The following PRUNE1 variants were observed in gnomAD, a reference collection of about 807,000 sequenced individuals.
PRUNE1 encodes prune exopolyphosphatase 1, also known as exopolyphosphatase PRUNE1.
In PRUNE1, 25 loss-of-function variants were observed where a neutral mutation model predicts 42.5. That is an observed-to-expected ratio of 0.59 (90% CI 0.43 to 0.82). The LOEUF (loss-of-function observed/expected upper bound fraction) is 0.82, where lower values mean the gene tolerates loss of function less well. Among genes scored for constraint, PRUNE1 ranks in the 40% least tolerant of loss-of-function variants. The pLI is 0.00. For synonymous variants in PRUNE1, 203 were observed against 217.1 expected, an observed-to-expected ratio of 0.93 and a Z score of 0.57; for missense variants, 443 against 539.3, an observed-to-expected ratio of 0.82 and a Z score of 1.77.
chr1:151,017,368 A>G (rs1448357205), intron 1 of PRUNE1, among the ~76,000 whole-genome samples: 1 of 152,192 alleles, frequency 6.6e-6, no homozygotes, highest in African/African-American at 2.4e-5. Flanking sequence ...CACTTATGCC[A>G]TCTATGGAAT....
At position 151,018,491 on chromosome 1, in the gene PRUNE1, G is replaced by A; in HGVS notation, c.157G>A (p.Val53Met). The change falls in exon 3 of 8, where the codon GTG becomes ATG. Residue 53 changes from valine (V) to methionine (M), a missense_variant. Transcript: ENST00000271620. ...GACAACTGAGGCTGAGGAAGTCTTT[G>A]TGCCAGTTTTAAATATAAAACGTTC... is the stretch of plus-strand genomic sequence containing the variant. ...AKTTEAEEVF[V>M]PVLNIKRSEL... 1 of 1,613,022 alleles carries A rather than the reference G, an allele frequency of 6.2e-7. No homozygotes were observed. Among genetic ancestry groups the A allele is most frequent in the Non-Finnish European group, 8.5e-7 (1 of 1,179,172 alleles).
chr1:151,031,349 A>C (rs1675238158), intron 7 of PRUNE1, among the ~76,000 whole-genome samples: 1 of 151,290 alleles, frequency 6.6e-6, no homozygotes, highest in South Asian at 2.1e-4. Flanking sequence ...ATGGCTAGCT[A>C]ATTTTTTTTG....
chr1:151,025,166 A>AAG (rs1045260802), intron 4 of PRUNE1, among the ~76,000 whole-genome samples: 3 of 151,274 alleles, frequency 2.0e-5, no homozygotes, highest in Non-Finnish European at 3.0e-5. Context: ...TGTAAAAAAA[A>AAG]AGAGAGAGAG....
At chr1:151,024,479 G>C (rs993828724) in intron 3 of PRUNE1, 132 bp from the exon 4 acceptor site, 9 of 852,428 alleles carry the variant, frequency 1.1e-5, no homozygotes, top group Non-Finnish European at 3.7e-6. Flanking sequence ...TGGGCGACAA[G>C]AGTGAAACTC....
intron 3 of PRUNE1, among the ~76,000 whole-genome samples, chr1:151,019,908 A>G (rs1419145503): frequency 2.0e-5 from 3 of 150,332 alleles, no homozygotes; most frequent in Admixed American, 2.0e-4. Flanking sequence ...GCTCACTGCA[A>G]CAACCTCTGC....
At position 151,034,088 on chromosome 1, in the gene PRUNE1, C is replaced by T; in HGVS notation, c.1216C>T (p.Pro406Ser). 1.9e-6 allele frequency: 3 copies of T among 1,614,184 alleles called. No individual in the cohort carries two copies. Among genetic ancestry groups the T allele is most frequent in the Non-Finnish European group, 2.5e-6 (3 of 1,180,050 alleles). Residue 406 changes from proline to serine, a missense_variant, in exon 8 of 8, where the codon CCG becomes TCG. By Grantham distance (74) the Pro-to-Ser change is moderately conservative. Transcript: ENST00000271620. The stretch of plus-strand genomic sequence containing the variant: ...CCTGAGTCAAGATGAGGAGGACCCT[C>T]CGCTGCCCCCGACGCCCATGAACAG... Reference protein sequence around the residue: ...SGLSQDEEDPPLPPTPMNSLV... With the variant: ...SGLSQDEEDPSLPPTPMNSLV...
intron 4 of PRUNE1, 37 bp from the exon 5 acceptor site, chr1:151,025,478 C>A: frequency 6.3e-7 from 1 of 1,599,228 alleles, no homozygotes; most frequent in South Asian, 1.1e-5. Flanking sequence ...TGTGAAGGGT[C>A]ACAGGATTCA....
At chr1:151,025,465 G>A (rs758778692) in intron 4 of PRUNE1, 50 bp from the exon 5 acceptor site, 15 of 1,559,388 alleles carry the variant, frequency 9.6e-6, no homozygotes, top group Middle Eastern at 1.7e-4. Flanking sequence ...TCTGGTGGTT[G>A]TGTGTGAAGG....
In PRUNE1 at chr1:151,027,327, G is replaced by A; in HGVS notation, c.774G>A (p.Glu258=). The part of the protein sequence containing the change: ...VAISAIYMDL[E]AFLQRSNLLA... ...TTAGTGCAATATATATGGATTTGGA[G>A]GTAAGAGCAAGTTGTGGCTGTGGGT... Residue 258 remains glutamate (E), a splice_region_variant and synonymous_variant, in exon 6 of 8, where the codon GAG becomes GAA. Coordinates refer to ENST00000271620, the MANE Select transcript of PRUNE1 (RefSeq NM_021222.3). 1 of 1,594,214 alleles carries A rather than the reference G, an allele frequency of 6.3e-7. No individual in the cohort carries two copies. Among genetic ancestry groups the A allele is most frequent in the Non-Finnish European group, 8.6e-7 (1 of 1,162,344 alleles).
In PRUNE1 at chr1:151,028,766, C is replaced by T. The variant is rs587663460; in HGVS notation, c.775-20C>T. 1 of 1,610,082 alleles carries T rather than the reference C, an allele frequency of 6.2e-7. No homozygotes were observed. Among genetic ancestry groups the T allele is most frequent in the African/African-American group, 1.3e-5 (1 of 74,856 alleles). ...GATGATGAGAAAGTCCTTCATCCCT[C>T]TCCGTTTCTTCCCTTTCAGGCCTTT... On this transcript the variant is annotated intron_variant, in intron 6 of 7. Transcript: ENST00000271620.
At chr1:151,024,469 T>G in intron 3 of PRUNE1, 142 bp from the exon 4 acceptor site, 1 of 777,588 alleles carries the variant, frequency 1.3e-6, no homozygotes, top group Non-Finnish European at 2.1e-6. Flanking sequence ...CACTCTAGCC[T>G]GGGCGACAAG....
At position 151,033,250 on chromosome 1, in the gene PRUNE1, T is replaced by TA. The variant is rs937745999; in HGVS notation, c.934-554dup. Among the ~76,000 whole-genome samples the TA allele has an allele frequency of 4.4e-4, 66 of 150,870 alleles. 1 individual carries two copies. The highest frequency in any genetic ancestry group is 1.6e-3 in the African/African-American group (65 of 40,978). ...ACAGGCATGCGCCATCATGCCTGGC[T>TA]AATTTTGTATTTTTAGTAGAGATGG... On this transcript the variant is annotated intron_variant, in intron 7 of 7. Transcript: ENST00000271620.
chr1:151,027,747 AGTGT>A (rs3034003), intron 6 of PRUNE1, among the ~76,000 whole-genome samples: 7,195 of 130,880 alleles, frequency 0.055, 267 homozygotes, highest in African/African-American at 0.098. Context: ...ACACCTAACT[AGTGT>A]GTGTGTGTGT....
chr1:151,028,787 C>G lies in PRUNE1; in HGVS notation c.776C>G (p.Ala259Gly). The G allele has an allele frequency of 6.2e-7, 1 of 1,612,936 alleles. No individual in the cohort carries two copies. The change falls in exon 7 of 8, where the codon GCC becomes GGC. Residue 259 changes from alanine to glycine, a missense_variant and splice_region_variant. Ala to Gly is a moderately conservative substitution (Grantham distance 60). Coordinates refer to ENST00000271620, the MANE Select transcript of PRUNE1 (RefSeq NM_021222.3). ...CCCTCTCCGTTTCTTCCCTTTCAGG[C>G]CTTTCTGCAGAGGTCTAACCTCCTT... ...AISAIYMDLE[A>G]FLQRSNLLAD...
intron 1 of PRUNE1, chr1:151,008,981 T>G (rs922480617): frequency 7.4e-6 from 4 of 539,418 alleles, no homozygotes; most frequent in Admixed American, 2.2e-5. Flanking sequence ...CTTGGTCAGT[T>G]CCATCAAAAA....
At chr1:151,011,127 A>G (rs1044966098) in intron 1 of PRUNE1, among the ~76,000 whole-genome samples, 1 of 152,244 alleles carries the variant, frequency 6.6e-6, no homozygotes, top group African/African-American at 2.4e-5. Context: ...TGATTTAGAC[A>G]GATACACTCT....
intron 3 of PRUNE1, among the ~76,000 whole-genome samples, chr1:151,020,838 C>T (rs771425066): frequency 4.0e-5 from 6 of 151,734 alleles, no homozygotes; most frequent in Non-Finnish European, 7.4e-5. Flanking sequence ...AAAAATTAGC[C>T]GGGCATGGTG....
Position 151,034,965 on chromosome 1 carries a change from A to G in PRUNE1, c.*731A>G, listed in dbSNP as rs1675468048. ...CTTGAGAATCAAGAAAACACCCAGAAAGGCCTTAATGACCTCATAGGCACT... is the reference window on the plus strand; with the variant it reads ...CTTGAGAATCAAGAAAACACCCAGAGAGGCCTTAATGACCTCATAGGCACT... On this transcript the variant is annotated 3_prime_UTR_variant, in exon 8 of 8. Coordinates refer to ENST00000271620, the MANE Select transcript of PRUNE1 (RefSeq NM_021222.3). 1 of 152,302 alleles carries G rather than the reference A, an allele frequency of 6.6e-6. No homozygotes were observed. The highest frequency in any genetic ancestry group is 2.1e-4 in the South Asian group (1 of 4,832). The allele number at this position is 152,302 out of a possible 1,614,324, so 9.4% of individuals were successfully genotyped here. A position where few individuals can be genotyped will look rare whatever the true frequency, so the allele number is the denominator to read the frequency against.
At chr1:151,017,982 C>A in intron 2 of PRUNE1, 78 bp downstream of exon 2, 1 of 986,982 alleles carries the variant, frequency 1.0e-6, no homozygotes, top group Non-Finnish European at 1.6e-6. Context: ...AGCTCTACCA[C>A]TTACCAGCAT....
Sources: gnomAD v4.1 joint callset for allele counts (sites outside exome capture counted in the v4.1 genomes callset) on GRCh38, gnomAD v4.1.1 for gene constraint, MANE v1.5 for transcripts, NCBI Gene and HGNC (gene_info 2026-07-23, HGNC 2026-07-21) for gene names.